PEX7: variants seen among roughly 807,000 people sequenced by gnomAD.
PEX7 encodes the protein PTS2 receptor.
A neutral mutation model predicts 47.5 loss-of-function variants in PEX7; 34 were observed. The observed-to-expected ratio is 0.72, with a 90% CI of 0.54 to 0.95. The LOEUF (loss-of-function observed/expected upper bound fraction) is 0.95. Ranked by LOEUF, PEX7 falls within the 40% of genes least tolerant of loss-of-function variation. PEX7 has a pLI of 0.00. For missense variants in PEX7, 394 were observed against 400.3 expected (o/e 0.98, Z 0.13); for synonymous variants, 141 against 148.8 (o/e 0.95, Z 0.38).
chr6:136,898,699 A>G (rs1231008074), intron 9 of PEX7, among the ~76,000 whole-genome samples: 1 of 152,224 alleles, frequency 6.6e-6, no homozygotes, highest in African/African-American at 2.4e-5. Context: ...CTGATGGAGA[A>G]CAAGTAAAAT....
At chr6:136,873,570 T>C (rs942724019) in intron 8 of PEX7, among the ~76,000 whole-genome samples, 7 of 152,162 alleles carry the variant, frequency 4.6e-5, no homozygotes, top group African/African-American at 1.7e-4. Flanking sequence ...TCTTATCACC[T>C]GCAAATAAAG....
chr6:136,897,598 AAGAT>A (rs1207948072), intron 8 of PEX7, among the ~76,000 whole-genome samples: 2 of 152,230 alleles, frequency 1.3e-5, no homozygotes, highest in Non-Finnish European at 2.9e-5. Context: ...AAAAAGAAGA[AAGAT>A]AGTTTCAGAA....
chr6:136,845,146 T>A (rs912445408), intron 3 of PEX7, among the ~76,000 whole-genome samples: 1 of 152,226 alleles, frequency 6.6e-6, no homozygotes, highest in African/African-American at 2.4e-5. Flanking sequence ...ACTAAAACTG[T>A]TTACCAAGAG....
chr6:136,886,383 G>A (rs189225596), intron 8 of PEX7, among the ~76,000 whole-genome samples: 27 of 152,244 alleles, frequency 1.8e-4, no homozygotes, highest in Admixed American at 1.0e-3. Context: ...TGAAATATGG[G>A]AAATGATACT....
chr6:136,866,038 G>A lies in PEX7; in HGVS notation c.527-589G>A, dbSNP rs531812834. Among the ~76,000 whole-genome samples, 152 of 152,192 alleles carry A rather than the reference G, an allele frequency of 1.0e-3. 1 individual carries two copies. The highest frequency in any genetic ancestry group is 1.5e-3 in the Non-Finnish European group (102 of 68,004). On this transcript the variant is annotated intron_variant, in intron 5 of 9. Transcript: ENST00000318471. ...GCGGAGATTACAGTGAGCCGATATC[G>A]TGCCACTGCACTCCAGCCTGGCGAC...
At chr6:136,878,825 AT>A (rs764555978) in intron 8 of PEX7, among the ~76,000 whole-genome samples, 19 of 151,224 alleles carry the variant, frequency 1.3e-4, no homozygotes, top group East Asian at 9.8e-4. Flanking sequence ...TTTGTATTTT[AT>A]TTGCTATGTT....
chr6:136,823,963 A>G (rs1351656085), intron 1 of PEX7, among the ~76,000 whole-genome samples: 2 of 152,180 alleles, frequency 1.3e-5, no homozygotes, highest in African/African-American at 2.4e-5. Flanking sequence ...GCCTTAATTC[A>G]TGTCCTAGCT....
In PEX7 at chr6:136,850,969, CTTTTTTTTTTA is replaced by C. The variant is rs1314037715; in HGVS notation, c.526+4805_526+4815del. On this transcript the variant is annotated intron_variant, in intron 5 of 9. Transcript: ENST00000318471. ...GTCTAAAGATATTTATTTCTGCTGT[CTTTTTTTTTTA>C]TTTTTTTTTTATTTTTAATTTTTTT... is the stretch of plus-strand genomic sequence containing the variant. Among the ~76,000 whole-genome samples, 323 of 72,442 alleles carry C rather than the reference CTTTTTTTTTTA, an allele frequency of 4.5e-3. 1 individual carries two copies. The highest frequency in any genetic ancestry group is 0.013 in the African/African-American group (257 of 19,156). 47.5% of individuals were successfully genotyped at this position (72,442 alleles called of 152,430 possible). A position where few individuals can be genotyped will look rare whatever the true frequency, so the allele number is the denominator to read the frequency against.
intron 8 of PEX7, among the ~76,000 whole-genome samples, chr6:136,890,576 C>T (rs1775537534): frequency 6.6e-6 from 1 of 152,138 alleles, no homozygotes; most frequent in Admixed American, 6.5e-5. Context: ...CCTCCTCACC[C>T]CCATCACCGT....
Position 136,822,799 on chromosome 6 carries a change from A to AGGC in PEX7, c.130+9_130+11dup. 7.7e-7 allele frequency: 1 copy of AGGC among 1,301,376 alleles called. No individual in the cohort carries two copies. Among genetic ancestry groups the AGGC allele is most frequent in the Non-Finnish European group, 9.7e-7 (1 of 1,030,648 alleles). The allele number at this position is 1,301,376 out of a possible 1,614,324, so 80.6% of individuals were successfully genotyped here. ...GCGCAGCACTACGGCATCGCGGGTGAGGCGGCGCCGCGCAGCTGGGGCCGG... is the reference window on the plus strand; with the variant it reads ...GCGCAGCACTACGGCATCGCGGGTGAGGCGGCGGCGCCGCGCAGCTGGGGCCGG... On this transcript the variant is annotated splice_donor_region_variant and intron_variant, in intron 1 of 9. Coordinates refer to ENST00000318471, the MANE Select transcript of PEX7 (RefSeq NM_000288.4).
intron 5 of PEX7, among the ~76,000 whole-genome samples, chr6:136,857,095 G>A (rs1178592322): frequency 6.6e-6 from 1 of 152,196 alleles, no homozygotes; most frequent in Non-Finnish European, 1.5e-5. Context: ...ATGAGTTGGG[G>A]TGTAGTAAAA....
At chr6:136,857,831 CT>C (rs925833958) in intron 5 of PEX7, among the ~76,000 whole-genome samples, 1 of 151,538 alleles carries the variant, frequency 6.6e-6, no homozygotes, top group Non-Finnish European at 1.5e-5. Flanking sequence ...AGCATTACCT[CT>C]TTTTTTTTGA....
chr6:136,830,063 C>A, intron 3 of PEX7: 1 of 712,814 alleles, frequency 1.4e-6, no homozygotes, highest in Non-Finnish European at 2.6e-6. Context: ...TCATTTTCTT[C>A]TGTGGAAGAG....
chr6:136,905,244 C>G (rs1348160085), intron 9 of PEX7, among the ~76,000 whole-genome samples: 1 of 152,124 alleles, frequency 6.6e-6, no homozygotes, highest in Non-Finnish European at 1.5e-5. Flanking sequence ...TTCTAATTTT[C>G]TTGCTGGTTT....
intron 3 of PEX7, among the ~76,000 whole-genome samples, chr6:136,838,194 A>ATCAC (rs1384500317): frequency 6.6e-6 from 1 of 152,246 alleles, no homozygotes; most frequent in Non-Finnish European, 1.5e-5. Context: ...CAATCTTAGG[A>ATCAC]TCACTAAAAG....
intron 8 of PEX7, among the ~76,000 whole-genome samples, chr6:136,893,393 A>G (rs1370331239): frequency 6.6e-6 from 1 of 151,976 alleles, no homozygotes; most frequent in Non-Finnish European, 1.5e-5. Flanking sequence ...TAACTCCTCA[A>G]CCTTCAGATC....
chr6:136,832,389 G>A (rs1199773314), intron 3 of PEX7, among the ~76,000 whole-genome samples: 6 of 152,234 alleles, frequency 3.9e-5, no homozygotes, highest in South Asian at 4.1e-4. Flanking sequence ...CTCCTAGGCC[G>A]CTGGGCCTGT....
rs867656609 is a variant in PEX7, at chr6:136,823,003, G to C, written c.130+208G>C. 4.1e-6 allele frequency: 4 copies of C among 985,462 alleles called. No individual in the cohort carries two copies. The African/African-American group carries it at 5.2e-5, about 13-fold the overall frequency. 61.0% of individuals were successfully genotyped at this position (985,462 alleles called of 1,614,324 possible). A position where few individuals can be genotyped will look rare whatever the true frequency, so the allele number is the denominator to read the frequency against. On this transcript the variant is annotated intron_variant, in intron 1 of 9. Transcript: ENST00000318471. ...GTCTGAAGCAGGAGTCGATCTTCCA[G>C]TTGTGTGCAAGTGCATATACGTGTA...
At chr6:136,870,036 T>G in intron 7 of PEX7, 33 bp downstream of exon 7, 2 of 1,239,492 alleles carry the variant, frequency 1.6e-6, no homozygotes, top group Non-Finnish European at 2.3e-6. Flanking sequence ...ATATGTAGAA[T>G]AAAATTATAT....
Sources: allele counts gnomAD v4.1 joint callset (sites outside exome capture counted in the v4.1 genomes callset), GRCh38; gene constraint gnomAD v4.1.1; transcripts MANE v1.5; gene names NCBI Gene and HGNC (gene_info 2026-07-23, HGNC 2026-07-21).